SEMA3D: variants seen among roughly 807,000 people sequenced by gnomAD.
The protein encoded by SEMA3D is semaphorin-3D.
SEMA3D carries 84 observed loss-of-function variants against 100.1 expected under a neutral mutation model. The ratio of observed to expected loss-of-function variants is 0.84; its 90% CI spans 0.70 to 1.01. The LOEUF is 1.01. Among genes scored for constraint, SEMA3D ranks in the 50% least tolerant of loss-of-function variants. The pLI, the probability that SEMA3D is intolerant of heterozygous loss-of-function variation, is 0.00. For missense variants in SEMA3D, 875 were observed against 934.1 expected (o/e 0.94, Z 0.82); for synonymous variants, 312 against 320.7 (o/e 0.97, Z 0.29).
chr7:85,028,384 C>CA (rs61589019), intron 12 of SEMA3D: 26,314 of 183,452 alleles, frequency 0.14, 2,298 homozygotes, highest in African/African-American at 0.28. Flanking sequence ...ACAGTTTAGA[C>CA]AAAAAAAAAA....
At chr7:85,189,514 G>A (rs11980549), upstream of SEMA3D, among the ~76,000 whole-genome samples, 453 of 152,264 alleles carry the variant, frequency 3.0e-3, 1 homozygote, top group African/African-American at 0.01. Flanking sequence ...AAAATACAAG[G>A]TGTATTGTGC....
chr7:85,133,896 T>C lies in SEMA3D; in HGVS notation c.-40-11965A>G, dbSNP rs191660856. On this transcript the variant is annotated intron_variant, in intron 2 of 18. Transcript: ENST00000284136. ...AGCTTAATGGTCTTCCATTTTTACATGGACTATGATAGCAAGTATTTTCTA... is the reference window on the plus strand; with the variant it reads ...AGCTTAATGGTCTTCCATTTTTACACGGACTATGATAGCAAGTATTTTCTA... Among the ~76,000 whole-genome samples, 182 of 152,100 alleles carry C rather than the reference T, an allele frequency of 1.2e-3. 1 individual carries two copies. Among genetic ancestry groups the C allele is most frequent in the Non-Finnish European group, 2.2e-3 (150 of 67,922 alleles).
intron 2 of SEMA3D, among the ~76,000 whole-genome samples, chr7:85,137,099 C>A (rs1410037232): frequency 1.3e-5 from 2 of 151,884 alleles, no homozygotes; most frequent in African/African-American, 4.8e-5. Flanking sequence ...ACCTTTTTGA[C>A]TTAATTCAGT....
intron 12 of SEMA3D, among the ~76,000 whole-genome samples, chr7:85,023,953 T>C (rs1382818973): frequency 1.3e-5 from 2 of 151,970 alleles, no homozygotes; most frequent in East Asian, 1.9e-4. Flanking sequence ...TAGTTATTTG[T>C]CCCAGGTCTG....
At chr7:85,165,568 C>G (rs1223614316) in intron 1 of SEMA3D, among the ~76,000 whole-genome samples, 1 of 152,048 alleles carries the variant, frequency 6.6e-6, no homozygotes, top group African/African-American at 2.4e-5. Context: ...TCCAAACAGG[C>G]CAGTCACTTT....
intron 11 of SEMA3D, 141 bp from the exon 12 acceptor site, chr7:85,037,174 T>C: frequency 1.5e-6 from 1 of 674,854 alleles, no homozygotes; most frequent in Non-Finnish European, 2.4e-6. Flanking sequence ...ACAATGTGCC[T>C]ACGTCCTCAA....
chr7:85,217,262 C>T, the SEMA3D span, among the ~76,000 whole-genome samples: 1 of 152,016 alleles, frequency 6.6e-6, no homozygotes, highest in Non-Finnish European at 1.5e-5. Flanking sequence ...GCATCGCCCT[C>T]AGTGATAGCT....
intron 6 of SEMA3D, 96 bp from the exon 7 acceptor site, chr7:85,068,380 G>C: frequency 1.4e-6 from 1 of 701,472 alleles, no homozygotes; most frequent in South Asian, 1.7e-5. Flanking sequence ...TCATGAATTT[G>C]ATAAAACTAA....
At chr7:85,165,161 C>G (rs967717225) in intron 1 of SEMA3D, among the ~76,000 whole-genome samples, 38 of 151,770 alleles carry the variant, frequency 2.5e-4, no homozygotes, top group Non-Finnish European at 7.4e-5. Flanking sequence ...CACATGTATA[C>G]ATGTGTAACG....
chr7:85,156,736 A>T (rs910617213), intron 1 of SEMA3D, among the ~76,000 whole-genome samples: 1 of 152,164 alleles, frequency 6.6e-6, no homozygotes, highest in Non-Finnish European at 1.5e-5. Context: ...CAGATTAAAA[A>T]GTAATCTTTT....
chr7:85,207,633 G>A, the SEMA3D span, among the ~76,000 whole-genome samples: 1 of 151,910 alleles, frequency 6.6e-6, no homozygotes, highest in African/African-American at 2.4e-5. Context: ...ACATTGCTCT[G>A]TTGCCATATA....
In SEMA3D at chr7:85,042,008, G is replaced by C. The variant is rs1308464137; in HGVS notation, c.976+163C>G. 6.4e-6 allele frequency: 4 copies of C among 626,928 alleles called. No homozygotes were observed. The African/African-American group carries it at 7.3e-5, about 11-fold the overall frequency. 38.8% of individuals were successfully genotyped at this position (626,928 alleles called of 1,614,324 possible). A position where few individuals can be genotyped will look rare whatever the true frequency, so the allele number is the denominator to read the frequency against. On this transcript the variant is annotated intron_variant, in intron 10 of 18. Transcript: ENST00000284136. ...GCATTATGACGTGTGCCCAGACCTA[G>C]AGCACTTCCGTGTACTTTGCGTGTG...
the SEMA3D span, among the ~76,000 whole-genome samples, chr7:85,210,579 T>C: frequency 2.6e-5 from 4 of 151,952 alleles, 1 homozygote; most frequent in East Asian, 5.8e-4. Flanking sequence ...TTGTCCTACA[T>C]TAGAAACATT....
intron 2 of SEMA3D, among the ~76,000 whole-genome samples, chr7:85,134,594 G>A (rs1789807200): frequency 6.6e-6 from 1 of 151,900 alleles, no homozygotes; most frequent in Admixed American, 6.6e-5. Flanking sequence ...ACCGAAACAT[G>A]TACTTTTACT....
chr7:85,087,132 T>C (rs1788242295), intron 4 of SEMA3D, among the ~76,000 whole-genome samples: 1 of 152,210 alleles, frequency 6.6e-6, no homozygotes, highest in African/African-American at 2.4e-5. Context: ...ACAAAGCACA[T>C]GGCCCTGTTT....
chr7:84,996,454 A>C lies in SEMA3D; in HGVS notation c.*2986T>G, dbSNP rs1238329505. On this transcript the variant is annotated 3_prime_UTR_variant, in exon 19 of 19. Coordinates refer to ENST00000284136, the MANE Select transcript of SEMA3D (RefSeq NM_001384900.1). ...CTGTTGTGGCTTTTGCAAATTACTA[A>C]ATTTCTCTGTGACTACTTTTCCATT... 2.0e-5 allele frequency: 3 copies of C among 151,970 alleles called. No homozygotes were observed. Among genetic ancestry groups the C allele is most frequent in the Non-Finnish European group, 4.4e-5 (3 of 67,876 alleles). 9.4% of individuals were successfully genotyped at this position (151,970 alleles called of 1,614,324 possible). A position where few individuals can be genotyped will look rare whatever the true frequency, so the allele number is the denominator to read the frequency against.
At chr7:85,156,204 G>A (rs1583975098) in intron 1 of SEMA3D, among the ~76,000 whole-genome samples, 2 of 151,778 alleles carry the variant, frequency 1.3e-5, no homozygotes, top group South Asian at 2.1e-4. Context: ...CTGGGTTCAA[G>A]TGATTCTCTG....
At chr7:85,014,514 A>G (rs1431730722) in intron 16 of SEMA3D, among the ~76,000 whole-genome samples, 1 of 151,828 alleles carries the variant, frequency 6.6e-6, no homozygotes. Flanking sequence ...GAGCACATAA[A>G]GCAATGAACT....
At chr7:85,066,556 T>C (rs998600932) in intron 7 of SEMA3D, among the ~76,000 whole-genome samples, 5 of 152,052 alleles carry the variant, frequency 3.3e-5, no homozygotes, top group Non-Finnish European at 2.9e-5. Flanking sequence ...TGCAGGAGAA[T>C]ATGTTGTCTC....
Sources: allele counts gnomAD v4.1 joint callset (sites outside exome capture counted in the v4.1 genomes callset), GRCh38; gene constraint gnomAD v4.1.1; transcripts MANE v1.5; gene names NCBI Gene and HGNC (gene_info 2026-07-23, HGNC 2026-07-21).